ZNF492: variants seen among roughly 807,000 people sequenced by gnomAD.
ZNF492 encodes the protein zinc finger protein 492, also known as zinc finger protein 115 (Y20).
ZNF492 carries 3 observed loss-of-function variants against 6.4 expected under a neutral mutation model. The ratio of observed to expected loss-of-function variants is 0.47; its 90% CI spans 0.21 to 1.22. ZNF492 has a LOEUF of 1.22. Ranked by LOEUF, ZNF492 falls within the 50% of genes most tolerant of loss-of-function variation. The pLI is 0.22. For missense variants in ZNF492, 356 were observed against 612.5 expected (o/e 0.58, Z 4.42); for synonymous variants, 112 against 205.3 (o/e 0.55, Z 3.89).
At chr19:22,647,260 G>T (rs79633300) in intron 1 of ZNF492, among the ~76,000 whole-genome samples, 25,682 of 132,156 alleles carry the variant, frequency 0.19, 2,981 homozygotes, top group African/African-American at 0.35. Flanking sequence ...GTTTGTTGTT[G>T]TTTTTTTTTT....
intron 1 of ZNF492, among the ~76,000 whole-genome samples, chr19:22,636,436 T>C (rs1223969441): frequency 6.6e-6 from 1 of 151,768 alleles, no homozygotes; most frequent in Non-Finnish European, 1.5e-5. Flanking sequence ...GGTTTTCTGC[T>C]GCTACGTTAG....
rs146918571 is a variant in ZNF492, at chr19:22,644,160, A to G, written c.-93-9147A>G. The stretch of plus-strand genomic sequence containing the variant: ...AGGCATAGTCTCAAGATGCGGTGTA[A>G]TTTGTCCAGAGAATCTTATCTGAGA... On this transcript the variant is annotated intron_variant, in intron 1 of 3. Coordinates refer to ENST00000456783, the MANE Select transcript of ZNF492 (RefSeq NM_020855.3). Among the ~76,000 whole-genome samples the G allele has an allele frequency of 4.4e-3, 663 of 152,294 alleles. 1 individual carries two copies. Among genetic ancestry groups the G allele is most frequent in the Non-Finnish European group, 7.4e-3 (505 of 68,026 alleles).
At chr19:22,639,512 A>C (rs1422161644) in intron 1 of ZNF492, among the ~76,000 whole-genome samples, 1 of 151,932 alleles carries the variant, frequency 6.6e-6, no homozygotes, top group African/African-American at 2.4e-5. Context: ...GAAGTTCAAG[A>C]CCAGCCTGAC....
intron 1 of ZNF492, among the ~76,000 whole-genome samples, chr19:22,634,708 G>A (rs949870383): frequency 6.6e-6 from 1 of 152,154 alleles, no homozygotes; most frequent in Non-Finnish European, 1.5e-5. Context: ...GCCCTGGCCT[G>A]GAGCCCTCTC....
intron 1 of ZNF492, among the ~76,000 whole-genome samples, chr19:22,650,841 T>C (rs539655195): frequency 1.3e-5 from 2 of 152,118 alleles, no homozygotes; most frequent in African/African-American, 4.8e-5. Flanking sequence ...GGGAGCCTAG[T>C]GTGTTAGGCA....
At chr19:22,658,020 CG>C (rs1283183210) in intron 3 of ZNF492, among the ~76,000 whole-genome samples, 3 of 151,336 alleles carry the variant, frequency 2.0e-5, no homozygotes, top group Non-Finnish European at 4.4e-5. Flanking sequence ...TGTGACTTGA[CG>C]GTAATTTTTG....
intron 1 of ZNF492, among the ~76,000 whole-genome samples, chr19:22,648,878 CTT>C (rs751502566): frequency 6.6e-6 from 1 of 152,164 alleles, no homozygotes; most frequent in African/African-American, 2.4e-5. Flanking sequence ...GGTCTTGACT[CTT>C]TATCCAATTT....
chr19:22,636,698 G>T (rs1320964863), intron 1 of ZNF492, among the ~76,000 whole-genome samples: 4 of 150,476 alleles, frequency 2.7e-5, no homozygotes, highest in Admixed American at 6.6e-5. Flanking sequence ...GCAATGGCAC[G>T]ATCTTGGCTC....
rs141989264 is a variant in ZNF492 at position 22,664,162 on chromosome 19, G to A, written c.493G>A (p.Gly165Arg). Residue 165 changes from glycine to arginine, a missense_variant, in exon 4 of 4, where the codon GGA (glycine) becomes AGA (arginine). By Grantham distance (125) the Gly-to-Arg change is moderately radical. Around this residue, in one of 7 missense-constraint regions of ZNF492, gnomAD observed 196 missense variants for 219.4 expected, o/e 0.89. Coordinates refer to ENST00000456783, the MANE Select transcript of ZNF492 (RefSeq NM_020855.3). ...HLAQHKRIHS[G>R]EKPYKCKECG... Reference sequence around the variant, plus strand: ...AGCTCAACATAAAAGAATTCATAGTGGAGAGAAACCCTACAAATGTAAAGA... The same window carrying A: ...AGCTCAACATAAAAGAATTCATAGTAGAGAGAAACCCTACAAATGTAAAGA... 0.012 allele frequency: 19,475 copies of A among 1,603,660 alleles called. 1,874 individuals are homozygous for A. The African/African-American group carries it at 0.23, about 19-fold the overall frequency.
At chr19:22,649,901 C>T (rs1306310576) in intron 1 of ZNF492, among the ~76,000 whole-genome samples, 4 of 152,152 alleles carry the variant, frequency 2.6e-5, no homozygotes, top group East Asian at 3.9e-4. Flanking sequence ...GCTCCTTTAG[C>T]TCAGTGGAGT....
chr19:22,637,151 A>G (rs117696054), intron 1 of ZNF492, among the ~76,000 whole-genome samples: 4,357 of 147,566 alleles, frequency 0.03, 69 homozygotes, highest in East Asian at 0.076. Flanking sequence ...ATTTATTTTT[A>G]TTTTTTTAGT....
chr19:22,638,911 C>T lies in ZNF492; in HGVS notation c.-94+4437C>T, dbSNP rs7246095. On this transcript the variant is annotated intron_variant, in intron 1 of 3. Coordinates refer to ENST00000456783, the MANE Select transcript of ZNF492 (RefSeq NM_020855.3). Reference sequence around the variant, plus strand: ...AAGCTGGAGTGCAGTGGTGCGATTTCGGCTCACTGCAACCTCTGCCTCCCG... The same window carrying T: ...AAGCTGGAGTGCAGTGGTGCGATTTTGGCTCACTGCAACCTCTGCCTCCCG... Among the ~76,000 whole-genome samples the T allele has an allele frequency of 2.1e-3, 318 of 152,074 alleles. 2 individuals are homozygous for T. Among genetic ancestry groups the T allele is most frequent in the African/African-American group, 7.3e-3 (304 of 41,494 alleles).
intron 1 of ZNF492, among the ~76,000 whole-genome samples, chr19:22,650,764 C>T (rs1336495257): frequency 6.6e-6 from 1 of 152,112 alleles, no homozygotes; most frequent in Non-Finnish European, 1.5e-5. Flanking sequence ...GTCCAGCATC[C>T]CTGGCTCCAG....
chr19:22,646,817 GT>G (rs1971881824), intron 1 of ZNF492, among the ~76,000 whole-genome samples: 1 of 149,644 alleles, frequency 6.7e-6, no homozygotes, highest in East Asian at 2.0e-4. Flanking sequence ...CATGAATTAT[GT>G]TTATTGATTT....
intron 3 of ZNF492, among the ~76,000 whole-genome samples, chr19:22,654,511 GTTC>G (rs1971974022): frequency 6.7e-6 from 1 of 148,388 alleles, no homozygotes; most frequent in African/African-American, 2.5e-5. Context: ...AAAGTATGAT[GTTC>G]TTCTGCTTTG....
chr19:22,634,334 C>T lies in ZNF492; in HGVS notation c.-234C>T, dbSNP rs1741810711. ...CCGGGATGTGGCGGGGTCTTTGTCT[C>T]TCGCTGCAGTCGGAGTATGGTCTAG... On this transcript the variant is annotated 5_prime_UTR_variant, in exon 1 of 4. Coordinates refer to ENST00000456783, the MANE Select transcript of ZNF492 (RefSeq NM_020855.3). The T allele has an allele frequency of 2.1e-6, 2 of 961,280 alleles. No homozygotes were observed. The highest frequency in any genetic ancestry group is 3.1e-6 in the Non-Finnish European group (2 of 646,652). The allele number at this position is 961,280 out of a possible 1,614,324, so 59.5% of individuals were successfully genotyped here.
At chr19:22,658,835 T>G (rs1972023955) in intron 3 of ZNF492, among the ~76,000 whole-genome samples, 1 of 143,628 alleles carries the variant, frequency 7.0e-6, no homozygotes, top group African/African-American at 2.8e-5. Flanking sequence ...TGTGAGAGTT[T>G]ATATATGTGC....
At chr19:22,642,401 TTTTTTTG>T (rs1489841523) in intron 1 of ZNF492, among the ~76,000 whole-genome samples, 21 of 116,114 alleles carry the variant, frequency 1.8e-4, no homozygotes, top group South Asian at 2.8e-4. Flanking sequence ...TTTTTTTTTT[TTTTTTTG>T]AGATGGAGTC....
chr19:22,637,282 C>CTTTTA (rs960437210), intron 1 of ZNF492, among the ~76,000 whole-genome samples: 14 of 151,848 alleles, frequency 9.2e-5, no homozygotes, highest in East Asian at 1.9e-4. Context: ...CGGCCTAAAC[C>CTTTTA]TTTTATTTTA....
Sources: allele counts gnomAD v4.1 joint callset (sites outside exome capture counted in the v4.1 genomes callset), GRCh38; gene constraint gnomAD v4.1.1; regional missense constraint gnomAD v4.1.1; transcripts MANE v1.5; gene names NCBI Gene and HGNC (gene_info 2026-07-23, HGNC 2026-07-21).